The following ZNF362 variants were observed in gnomAD, a reference collection of about 807,000 sequenced individuals.
ZNF362 encodes zinc finger protein 362.
In ZNF362, 11 loss-of-function variants were observed where a neutral mutation model predicts 42.9. The ratio of observed to expected loss-of-function variants is 0.26; its 90% CI spans 0.16 to 0.42. The LOEUF is 0.42. ZNF362 is among the 20% of genes least tolerant of loss of function. The pLI, the probability that ZNF362 is intolerant of heterozygous loss-of-function variation, is 1.00. For missense variants in ZNF362, 362 were observed against 576.2 expected (o/e 0.63, Z 3.81); for synonymous variants, 255 against 257.3 (o/e 0.99, Z 0.09).
chr1:33,168,026 G>T, the ZNF362 span, among the ~76,000 whole-genome samples: 8 of 152,172 alleles, frequency 5.3e-5, no homozygotes, highest in Non-Finnish European at 1.0e-4. Context: ...AAAGGAGCGA[G>T]GTTACCAATA....
intron 2 of ZNF362, among the ~76,000 whole-genome samples, chr1:33,273,828 G>C (rs1645923381): frequency 6.6e-6 from 1 of 152,222 alleles, no homozygotes; most frequent in Admixed American, 6.5e-5. Context: ...TTTGTAAACT[G>C]TGAGCAGTGC....
chr1:33,184,435 A>C, the ZNF362 span, among the ~76,000 whole-genome samples: 1 of 152,222 alleles, frequency 6.6e-6, no homozygotes, highest in African/African-American at 2.4e-5. Flanking sequence ...GAGATCATAC[A>C]TCCCAGCTGT....
chr1:33,270,483 C>T lies in ZNF362; in HGVS notation c.-88-4C>T, dbSNP rs1645894570. The T allele has an allele frequency of 1.4e-6, 1 of 707,728 alleles. No homozygotes were observed. Among genetic ancestry groups the T allele is most frequent in the Non-Finnish European group, 2.6e-6 (1 of 390,434 alleles). 43.8% of individuals were successfully genotyped at this position (707,728 alleles called of 1,614,324 possible). A position where few individuals can be genotyped will look rare whatever the true frequency, so the allele number is the denominator to read the frequency against. On this transcript the variant is annotated splice_polypyrimidine_tract_variant and splice_region_variant and intron_variant, in intron 1 of 8. Transcript: ENST00000539719. Reference sequence around the variant, plus strand: ...TTATTGTTATTGTTATTCCCATATACAAGGTGCTGTTGGGAACACAGAGGA... The same window carrying T: ...TTATTGTTATTGTTATTCCCATATATAAGGTGCTGTTGGGAACACAGAGGA...
At chr1:33,255,849 G>A (rs896470911), upstream of ZNF362, among the ~76,000 whole-genome samples, 9 of 151,986 alleles carry the variant, frequency 5.9e-5, no homozygotes, top group African/African-American at 2.2e-4. Context: ...CCCTCCAGGC[G>A]GCCGTCTTCG....
In ZNF362 at chr1:33,281,040, A is replaced by C. The variant is rs917443110; in HGVS notation, c.684-547A>C. Among the ~76,000 whole-genome samples, 1 of 150,566 alleles carries C rather than the reference A, an allele frequency of 6.6e-6. No individual in the cohort carries two copies. The highest frequency in any genetic ancestry group is 2.4e-5 in the African/African-American group (1 of 40,838). On this transcript the variant is annotated intron_variant, in intron 5 of 8. Coordinates refer to ENST00000539719, the MANE Select transcript of ZNF362 (RefSeq NM_152493.3). The surrounding 1 kb of genome is among the most constrained non-coding windows in gnomAD (Gnocchi z 4.8). The stretch of plus-strand genomic sequence containing the variant: ...GCCGAGGTCGGGCCACTGCACTCCA[A>C]CCTGGGTGACAGGGTGAGACTCTGT...
At chr1:33,173,395 A>G in the ZNF362 span, among the ~76,000 whole-genome samples, 3 of 151,992 alleles carry the variant, frequency 2.0e-5, no homozygotes, top group African/African-American at 7.3e-5. Context: ...GGGTGCGTGC[A>G]TGTGTGTGTG....
At chr1:33,185,430 C>T in the ZNF362 span, among the ~76,000 whole-genome samples, 1 of 152,084 alleles carries the variant, frequency 6.6e-6, no homozygotes, top group Non-Finnish European at 1.5e-5. Context: ...CCATGTTGGC[C>T]AGGCTGGTCT....
At chr1:33,128,299 C>T in the ZNF362 span, among the ~76,000 whole-genome samples, 3 of 151,888 alleles carry the variant, frequency 2.0e-5, no homozygotes, top group East Asian at 5.8e-4. Context: ...ATTGCTTGAG[C>T]CTGGGAGGTC....
chr1:33,234,618 C>T, the ZNF362 span, among the ~76,000 whole-genome samples: 3 of 152,182 alleles, frequency 2.0e-5, no homozygotes, highest in Non-Finnish European at 2.9e-5. Context: ...TCCCTGCTGC[C>T]TTCCCGTTGA....
chr1:33,206,384 CAA>C, the ZNF362 span, among the ~76,000 whole-genome samples: 1 of 151,568 alleles, frequency 6.6e-6, no homozygotes, highest in Non-Finnish European at 1.5e-5. Context: ...CTACAACAAA[CAA>C]GAAAAAATTG....
chr1:33,276,380 G>T lies in ZNF362; in HGVS notation c.135G>T (p.Lys45Asn). The change falls in exon 4 of 9, where the codon AAG becomes AAT. Residue 45 changes from lysine to asparagine, a missense_variant. Lys to Asn is a moderately conservative substitution (Grantham distance 94). Coordinates refer to ENST00000539719, the MANE Select transcript of ZNF362 (RefSeq NM_152493.3). ...LDNLVLINKI[K>N]EQLMAEKIRP... is the part of the protein sequence containing the mutation. Reference sequence around the variant, plus strand: ...ACCTGGTTCTGATTAACAAGATCAAGGAGCAGCTGATGGCCGAGAAGATCA... The same window carrying T: ...ACCTGGTTCTGATTAACAAGATCAATGAGCAGCTGATGGCCGAGAAGATCA... 1 of 1,568,264 alleles carries T rather than the reference G, an allele frequency of 6.4e-7. No individual in the cohort carries two copies. The highest frequency in any genetic ancestry group is 1.4e-5 in the African/African-American group (1 of 73,844).
chr1:33,176,421 C>A, the ZNF362 span: 1 of 697,968 alleles, frequency 1.4e-6, no homozygotes, highest in Non-Finnish European at 2.6e-6. Context: ...GGCTTGCGTC[C>A]AAGGCTGATC....
chr1:33,222,587 G>C, the ZNF362 span, among the ~76,000 whole-genome samples: 1 of 152,128 alleles, frequency 6.6e-6, no homozygotes, highest in African/African-American at 2.4e-5. Flanking sequence ...TCTTTGCCAG[G>C]ACTTCTAATA....
At chr1:33,161,277 G>A in the ZNF362 span, among the ~76,000 whole-genome samples, 2 of 152,166 alleles carry the variant, frequency 1.3e-5, no homozygotes, top group African/African-American at 4.8e-5. This position sits in a 1 kb window ranked among gnomAD's most constrained non-coding sequence, Gnocchi z 4.3. Context: ...GTCAGTTGGG[G>A]GTCAGGGGAA....
chr1:33,160,057 C>T, the ZNF362 span: 30 of 1,372,238 alleles, frequency 2.2e-5, no homozygotes, highest in South Asian at 3.4e-4. Context: ...TGGGAAAGGG[C>T]ACGCGTGGTG....
intron 1 of ZNF362, among the ~76,000 whole-genome samples, chr1:33,257,214 C>A (rs1167537627): frequency 6.6e-6 from 1 of 151,658 alleles, no homozygotes; most frequent in African/African-American, 2.4e-5. Context: ...GTGGGAGAGG[C>A]GGCTGGAAGC....
chr1:33,201,900 A>G, the ZNF362 span, among the ~76,000 whole-genome samples: 2 of 152,236 alleles, frequency 1.3e-5, no homozygotes, highest in Admixed American at 6.5e-5. Flanking sequence ...GAAAGAAAAT[A>G]TAAATTATTT....
chr1:33,251,476 C>T, the ZNF362 span, among the ~76,000 whole-genome samples: 1 of 152,164 alleles, frequency 6.6e-6, no homozygotes, highest in African/African-American at 2.4e-5. Flanking sequence ...CCACCGCTTC[C>T]CTACTCTGCC....
At chr1:33,228,311 C>A in the ZNF362 span, among the ~76,000 whole-genome samples, 6 of 152,122 alleles carry the variant, frequency 3.9e-5, no homozygotes, top group East Asian at 1.2e-3. Context: ...TATGCTCACT[C>A]CTAGACCTTC....
Sources: gnomAD v4.1 joint callset for allele counts (sites outside exome capture counted in the v4.1 genomes callset) on GRCh38, gnomAD v4.1.1 for gene constraint, Gnocchi (gnomAD v3.1) non-coding constraint, MANE v1.5 for transcripts, NCBI Gene and HGNC (gene_info 2026-07-23, HGNC 2026-07-21) for gene names.